The following GLDC variants were observed in gnomAD, a reference collection of about 807,000 sequenced individuals.
GLDC encodes the protein glycine dehydrogenase (decarboxylating), mitochondrial.
In GLDC, 104 loss-of-function variants were observed where a neutral mutation model predicts 121.3. The ratio of observed to expected loss-of-function variants is 0.86; its 90% CI spans 0.73 to 1.01. The LOEUF is 1.01. Ranked by LOEUF, GLDC falls within the 50% of genes least tolerant of loss-of-function variation. The pLI, the probability that GLDC is intolerant of heterozygous loss-of-function variation, is 0.00. For synonymous variants in GLDC, 546 were observed against 480.6 expected (o/e 1.14, Z -1.78); for missense variants, 1,429 against 1,306.6 (o/e 1.09, Z -1.44).
At chr9:6,575,081 A>G (rs1818037652) in intron 15 of GLDC, among the ~76,000 whole-genome samples, 1 of 151,886 alleles carries the variant, frequency 6.6e-6, no homozygotes, top group East Asian at 1.9e-4. Context: ...GGGCACCTGT[A>G]GCATCGGTTA....
intron 2 of GLDC, among the ~76,000 whole-genome samples, chr9:6,644,057 A>AAAACG: frequency 1.4e-5 from 2 of 147,228 alleles, no homozygotes; most frequent in African/African-American, 5.0e-5. Flanking sequence ...AAAACGAAAA[A>AAAACG]AAAAAGAAAA....
At chr9:6,560,616 TAAG>T (rs1422075800) in intron 16 of GLDC, among the ~76,000 whole-genome samples, 2 of 152,176 alleles carry the variant, frequency 1.3e-5, no homozygotes, top group African/African-American at 4.8e-5. Flanking sequence ...AGAATATTGA[TAAG>T]AAGGAGAAAG....
At chr9:6,602,317 T>A in intron 7 of GLDC, 112 bp from the exon 8 acceptor site, 1 of 735,030 alleles carries the variant, frequency 1.4e-6, no homozygotes, top group East Asian at 2.6e-5. Context: ...GCAAATGCAC[T>A]TGGGTGCAAA....
chr9:6,617,523 T>C (rs965014709), intron 3 of GLDC, among the ~76,000 whole-genome samples: 5 of 152,212 alleles, frequency 3.3e-5, no homozygotes, highest in African/African-American at 4.8e-5. Context: ...CCTTGGAATT[T>C]ACCATTCAAA....
chr9:6,548,248 TTTA>T (rs1279863990), intron 21 of GLDC, among the ~76,000 whole-genome samples: 1 of 152,252 alleles, frequency 6.6e-6, no homozygotes, highest in Non-Finnish European at 1.5e-5. Context: ...TTTGTCATGC[TTTA>T]TTATTTTCCA....
chr9:6,611,188 G>A (rs539318213), intron 3 of GLDC, among the ~76,000 whole-genome samples: 21 of 152,302 alleles, frequency 1.4e-4, no homozygotes, highest in African/African-American at 4.8e-4. Context: ...AGAAGGCAAC[G>A]TAAACATGGA....
intron 15 of GLDC, among the ~76,000 whole-genome samples, chr9:6,572,717 C>T (rs971515341): frequency 6.6e-6 from 1 of 152,204 alleles, no homozygotes; most frequent in South Asian, 2.1e-4. Flanking sequence ...CTGCTGCCAG[C>T]CTTTCTTGGG....
chr9:6,600,817 G>C (rs980669189), intron 8 of GLDC, among the ~76,000 whole-genome samples: 2 of 152,196 alleles, frequency 1.3e-5, no homozygotes, highest in Non-Finnish European at 2.9e-5. Flanking sequence ...ACTTCAAGGA[G>C]CAGAACCCAG....
At chr9:6,603,109 T>C (rs1818651585) in intron 7 of GLDC, among the ~76,000 whole-genome samples, 1 of 151,860 alleles carries the variant, frequency 6.6e-6, no homozygotes, top group Non-Finnish European at 1.5e-5. Flanking sequence ...GCACCTGTAA[T>C]CTCAGTTACT....
chr9:6,585,305 G>C (rs1275134550), intron 15 of GLDC, among the ~76,000 whole-genome samples: 1 of 152,158 alleles, frequency 6.6e-6, no homozygotes, highest in Non-Finnish European at 1.5e-5. Context: ...CAGTGAAAAT[G>C]TGATTATATT....
chr9:6,622,720 G>C (rs1250471205), intron 2 of GLDC: 2 of 198,558 alleles, frequency 1.0e-5, no homozygotes, highest in African/African-American at 2.4e-5. Flanking sequence ...GGGATGTGAG[G>C]AGCCCCTCTG....
At chr9:6,572,121 G>A (rs903509908) in intron 15 of GLDC, among the ~76,000 whole-genome samples, 3 of 152,078 alleles carry the variant, frequency 2.0e-5, no homozygotes, top group African/African-American at 7.2e-5. Context: ...AAATTGTTGG[G>A]ATCTAGGGTA....
chr9:6,561,713 G>A (rs994844855), intron 16 of GLDC, among the ~76,000 whole-genome samples: 15 of 152,166 alleles, frequency 9.9e-5, no homozygotes, highest in African/African-American at 3.4e-4. Context: ...TGAAGTTTTG[G>A]TTTATCCAAA....
intron 21 of GLDC, among the ~76,000 whole-genome samples, chr9:6,544,018 G>C (rs1345385642): frequency 1.3e-5 from 2 of 152,114 alleles, no homozygotes; most frequent in Non-Finnish European, 2.9e-5. Context: ...AAAAAATAGG[G>C]CTGCTCAAAA....
intron 8 of GLDC, among the ~76,000 whole-genome samples, chr9:6,597,451 C>G (rs1471164099): frequency 1.3e-5 from 2 of 152,156 alleles, no homozygotes; most frequent in Non-Finnish European, 2.9e-5. Flanking sequence ...GCCAACAAGG[C>G]TGGATGCAGT....
chr9:6,588,861 C>T (rs187438496), intron 12 of GLDC, among the ~76,000 whole-genome samples, 159 bp from the exon 13 acceptor site: 1 of 152,022 alleles, frequency 6.6e-6, no homozygotes, highest in Non-Finnish European at 1.5e-5. Flanking sequence ...GGGCACAGAC[C>T]CCCACAAACC....
In GLDC at chr9:6,558,568, G is replaced by C. The variant is rs72695507; in HGVS notation, c.2043C>G (p.Leu681=). The C allele has an allele frequency of 4.3e-6, 7 of 1,614,178 alleles. No individual in the cohort carries two copies. Among genetic ancestry groups the C allele is most frequent in the Non-Finnish European group, 5.9e-6 (7 of 1,180,026 alleles). Residue 681 remains leucine, a synonymous_variant, in exon 17 of 25, where the codon CTC becomes CTG. Transcript: ENST00000321612. ...AGGAGAAGACAAGTACCATGGCCTT[G>C]AGGTGAACTGCATCGATATTCCCAT... ...DKYGNIDAVH[L]KAMVDKHKEN... is the part of the protein sequence containing the mutation.
rs1186117854 is a variant in GLDC at position 6,539,969 on chromosome 9, G to T, written c.2665+82C>A. The T allele has an allele frequency of 3.4e-6, 3 of 882,528 alleles. No individual in the cohort carries two copies. The East Asian group carries it at 7.2e-5, about 21-fold the overall frequency. The allele number at this position is 882,528 out of a possible 1,614,324, so 54.7% of individuals were successfully genotyped here. On this transcript the variant is annotated intron_variant, in intron 22 of 24. Coordinates refer to ENST00000321612, the MANE Select transcript of GLDC (RefSeq NM_000170.3). Reference sequence around the variant, plus strand: ...TTTATCCCCCAGATCAGTTTACTGTGGTGCCTGCATTTTCCATTTGTGCTT... The same window carrying T: ...TTTATCCCCCAGATCAGTTTACTGTTGTGCCTGCATTTTCCATTTGTGCTT...
chr9:6,573,890 T>G (rs1248643766), intron 15 of GLDC, among the ~76,000 whole-genome samples: 1 of 152,116 alleles, frequency 6.6e-6, no homozygotes, highest in Non-Finnish European at 1.5e-5. Context: ...GACTAACAAT[T>G]TAACAGTACA....
Sources: allele counts gnomAD v4.1 joint callset (sites outside exome capture counted in the v4.1 genomes callset), GRCh38; gene constraint gnomAD v4.1.1; transcripts MANE v1.5; gene names NCBI Gene and HGNC (gene_info 2026-07-23, HGNC 2026-07-21).